Variants in GRTP1 observed in about 807,000 individuals in gnomAD.
GRTP1 encodes the protein growth hormone-regulated TBC protein 1.
In GRTP1, 56 loss-of-function variants were observed where a neutral mutation model predicts 38.1. The ratio of observed to expected loss-of-function variants is 1.47; its 90% CI spans 1.19 to 1.84. The LOEUF is 1.84. Ranked by LOEUF, GRTP1 falls within the 40% of genes most tolerant of loss-of-function variation. GRTP1 has a pLI of 0.00. For synonymous variants in GRTP1, 217 were observed against 189.5 expected (o/e 1.14, Z -1.19); for missense variants, 506 against 453.9 (o/e 1.11, Z -1.04).
At position 113,355,470 on chromosome 13, in the gene GRTP1, C is replaced by A. The variant is rs756395315; in HGVS notation, c.193G>T (p.Val65Phe). The change falls in exon 3 of 8, where the codon GTC (valine) becomes TTC (phenylalanine). Residue 65 changes from valine (V) to phenylalanine (F), a missense_variant. By Grantham distance (50) the Val-to-Phe change is conservative. Transcript: ENST00000375431. ...TGCTCCAGCGGGACCCCTTTCCGGA[C>A]ATAGCGCTTCACTGAAGGCCGAGAG... ...VPRSRTVKRY[V>F]RKGVPLEHRA... 1.9e-6 allele frequency: 3 copies of A among 1,610,834 alleles called. No homozygotes were observed. The highest frequency in any genetic ancestry group is 2.5e-6 in the Non-Finnish European group (3 of 1,177,780).
Position 113,325,645 on chromosome 13 carries a change from G to T in GRTP1, c.921+16C>A. On this transcript the variant is annotated intron_variant, in intron 7 of 7. Coordinates refer to ENST00000375431, the MANE Select transcript of GRTP1 (RefSeq NM_024719.4). ...GCCCCCTGGGAGGGGACTGAGCCAC[G>T]TGCAGCCCCACACACCTGCATAAAC... 3 of 1,604,866 alleles carry T rather than the reference G, an allele frequency of 1.9e-6. No individual in the cohort carries two copies. The highest frequency in any genetic ancestry group is 2.2e-5 in the South Asian group (2 of 91,076).
In GRTP1 at chr13:113,363,746, C is replaced by T. The variant is rs772442629; in HGVS notation, c.181+16G>A. ...CACCTGCGCCCTCGGGACCCACCTGCGCCCCCGGGACCCACCTGTCCGGCT... is the reference window on the plus strand; with the variant it reads ...CACCTGCGCCCTCGGGACCCACCTGTGCCCCCGGGACCCACCTGTCCGGCT... On this transcript the variant is annotated intron_variant, in intron 2 of 7. Coordinates refer to ENST00000375431, the MANE Select transcript of GRTP1 (RefSeq NM_024719.4). 5.0e-6 allele frequency: 8 copies of T among 1,601,302 alleles called. No individual in the cohort carries two copies. In the East Asian group the frequency reaches 9.0e-5, roughly 18 times the overall value.
In GRTP1 at chr13:113,349,827, C is replaced by A. The variant is rs1005474484; in HGVS notation, c.465+1022G>T. On this transcript the variant is annotated intron_variant, in intron 4 of 7. Coordinates refer to ENST00000375431, the MANE Select transcript of GRTP1 (RefSeq NM_024719.4). The surrounding 1 kb of genome is among the most constrained non-coding windows in gnomAD (Gnocchi z 5.0). ...ACTGCATTTTCTGGTTGGTGCACGC[C>A]TGGCTCCCGGCTCCTACAGGAAGTT... Among the ~76,000 whole-genome samples, 1 of 152,220 alleles carries A rather than the reference C, an allele frequency of 6.6e-6. No homozygotes were observed. Among genetic ancestry groups the A allele is most frequent in the Non-Finnish European group, 1.5e-5 (1 of 68,028 alleles).
intron 3 of GRTP1, among the ~76,000 whole-genome samples, chr13:113,354,652 C>T (rs547838823): frequency 7.0e-4 from 107 of 152,172 alleles, no homozygotes; most frequent in Non-Finnish European, 1.3e-3. Flanking sequence ...CCTCAGCCTC[C>T]CGAGTAGCTG....
intron 5 of GRTP1, among the ~76,000 whole-genome samples, chr13:113,327,270 C>G (rs1180244862): frequency 1.3e-5 from 2 of 152,194 alleles, no homozygotes; most frequent in Non-Finnish European, 1.5e-5. Flanking sequence ...TCTCTGCCTC[C>G]TGGGTTCAAG....
intron 3 of GRTP1, among the ~76,000 whole-genome samples, chr13:113,354,940 GAT>G (rs1491323153): frequency 3.9e-5 from 6 of 152,190 alleles, no homozygotes; most frequent in African/African-American, 1.4e-4. Context: ...ATGATAACCA[GAT>G]ACAAAAAAGG....
intron 5 of GRTP1, chr13:113,339,877 G>C (rs193092559): frequency 2.0e-5 from 3 of 152,314 alleles, no homozygotes; most frequent in African/African-American, 4.8e-5. Flanking sequence ...GTAGATTCAA[G>C]TTGCTAACAT....
Position 113,346,022 on chromosome 13 carries a change from A to G in GRTP1, c.466-1063T>C, listed in dbSNP as rs1374381866. On this transcript the variant is annotated intron_variant, in intron 4 of 7. Coordinates refer to ENST00000375431, the MANE Select transcript of GRTP1 (RefSeq NM_024719.4). ...CCCGAGAGGACCTCTGCGGCTGAGC[A>G]GACCTGGGAAGACATCTGTGGCCGA... Among the ~76,000 whole-genome samples, 253 of 82,614 alleles carry G rather than the reference A, an allele frequency of 3.1e-3. 1 individual carries two copies. Among genetic ancestry groups the G allele is most frequent in the African/African-American group, 0.01 (230 of 22,154 alleles). The allele number at this position is 82,614 out of a possible 152,430, so 54.2% of individuals were successfully genotyped here.
chr13:113,338,498 G>T (rs1393933762), intron 5 of GRTP1, among the ~76,000 whole-genome samples: 1 of 152,296 alleles, frequency 6.6e-6, no homozygotes, highest in Admixed American at 6.5e-5. Flanking sequence ...AGGCAGATGT[G>T]GGGTGCAGGC....
chr13:113,332,866 G>A (rs1435705663), intron 5 of GRTP1, among the ~76,000 whole-genome samples: 3 of 152,190 alleles, frequency 2.0e-5, no homozygotes, highest in Admixed American at 1.3e-4. Flanking sequence ...AGAGGCTCCC[G>A]CTGGCCACAG....
rs531099490 is a variant in GRTP1 at position 113,325,867 on chromosome 13, G to A, written c.736-21C>T. On this transcript the variant is annotated intron_variant, in intron 6 of 7. Transcript: ENST00000375431. ...ACTGTCTGCAGAGACATGGGAACCCGGTGTCACTCCCTGGCGGCCCGCCCG... is the reference window on the plus strand; with the variant it reads ...ACTGTCTGCAGAGACATGGGAACCCAGTGTCACTCCCTGGCGGCCCGCCCG... 30 of 1,613,702 alleles carry A rather than the reference G, an allele frequency of 1.9e-5. 1 individual carries two copies. The highest frequency in any genetic ancestry group is 1.2e-4 in the South Asian group (11 of 91,054).
rs200144497 is a variant in GRTP1, at chr13:113,363,869, T to G, written c.74A>C (p.Asp25Ala). The G allele has an allele frequency of 2.2e-4, 352 of 1,611,498 alleles. No individual in the cohort carries two copies. Among genetic ancestry groups the G allele is most frequent in the Middle Eastern group, 1.6e-3 (10 of 6,078 alleles). ...YGFERPEDFD[D>A]AAYEKFFSSY... ...GGAGAAAAACTTCTCGTAGGCGGCG[T>G]CGTCGAAGTCCTCAGGCCGCTCGAA... The change falls in exon 2 of 8, where the codon GAC (aspartate) becomes GCC (alanine). Residue 25 changes from aspartate (D) to alanine (A), a missense_variant. By Grantham distance (126) the Asp-to-Ala change is moderately radical. Coordinates refer to ENST00000375431, the MANE Select transcript of GRTP1 (RefSeq NM_024719.4).
intron 5 of GRTP1, among the ~76,000 whole-genome samples, chr13:113,335,220 A>G (rs1400154269): frequency 6.6e-6 from 1 of 152,108 alleles, no homozygotes; most frequent in Admixed American, 6.5e-5. Flanking sequence ...AATGGTGTCC[A>G]TGTGATATTT....
chr13:113,328,855 A>G (rs180688433), intron 5 of GRTP1, among the ~76,000 whole-genome samples: 2 of 152,284 alleles, frequency 1.3e-5, no homozygotes, highest in Admixed American at 6.5e-5. Flanking sequence ...CACCCCTGAA[A>G]TCCACATCTC....
chr13:113,346,058 G>A (rs9577515), intron 4 of GRTP1, among the ~76,000 whole-genome samples: 3,169 of 10,664 alleles, frequency 0.3, 813 homozygotes, highest in Non-Finnish European at 0.4. Flanking sequence ...GAGCAGACCC[G>A]GGAGGACCTC....
At position 113,342,382 on chromosome 13, in the gene GRTP1, C is replaced by T. The variant is rs891936193; in HGVS notation, c.562+2481G>A. Among the ~76,000 whole-genome samples, 3 of 151,738 alleles carry T rather than the reference C, an allele frequency of 2.0e-5. No individual in the cohort carries two copies. The highest frequency in any genetic ancestry group is 7.2e-5 in the African/African-American group (3 of 41,392). Reference sequence around the variant, plus strand: ...AATTGGCCAGGCGTAGTGGCGGGCGCCTGTAGTCCCAGCTACTCGGGAGGC... The same window carrying T: ...AATTGGCCAGGCGTAGTGGCGGGCGTCTGTAGTCCCAGCTACTCGGGAGGC... On this transcript the variant is annotated intron_variant, in intron 5 of 7. Coordinates refer to ENST00000375431, the MANE Select transcript of GRTP1 (RefSeq NM_024719.4). The surrounding 1 kb of genome is among the most constrained non-coding windows in gnomAD (Gnocchi z 4.5).
At position 113,342,932 on chromosome 13, in the gene GRTP1, C is replaced by T. The variant is rs1029984677; in HGVS notation, c.562+1931G>A. Among the ~76,000 whole-genome samples, 6 of 152,080 alleles carry T rather than the reference C, an allele frequency of 3.9e-5. No individual in the cohort carries two copies. The highest frequency in any genetic ancestry group is 1.2e-4 in the African/African-American group (5 of 41,386). On this transcript the variant is annotated intron_variant, in intron 5 of 7. Transcript: ENST00000375431. This position sits in a 1 kb window ranked among gnomAD's most constrained non-coding sequence, Gnocchi z 4.5. ...AACGCATCTGTCCATCACACCAGCA[C>T]GGCGGGGCCTGCTCCTGCCCTCTAG... is the stretch of plus-strand genomic sequence containing the variant.
At chr13:113,346,019 A>ACAGT (rs2043103149) in intron 4 of GRTP1, among the ~76,000 whole-genome samples, 1 of 93,508 alleles carries the variant, frequency 1.1e-5, no homozygotes, top group African/African-American at 3.9e-5. Flanking sequence ...TCTGCGGCTG[A>ACAGT]GCAGACCTGG....
intron 5 of GRTP1, among the ~76,000 whole-genome samples, chr13:113,331,205 G>A (rs976068895): frequency 6.6e-6 from 1 of 152,172 alleles, no homozygotes; most frequent in Non-Finnish European, 1.5e-5. Context: ...CACCTGCCCA[G>A]CCCCGGCTTC....
Sources: gnomAD v4.1 joint callset for allele counts (sites outside exome capture counted in the v4.1 genomes callset) on GRCh38, gnomAD v4.1.1 for gene constraint, Gnocchi (gnomAD v3.1) non-coding constraint, MANE v1.5 for transcripts, NCBI Gene and HGNC (gene_info 2026-07-23, HGNC 2026-07-21) for gene names.